The following UBE2G1 variants were observed in gnomAD, a reference collection of about 807,000 sequenced individuals.
UBE2G1 encodes the protein ubiquitin conjugating enzyme E2 G1.
In UBE2G1, 5 loss-of-function variants were observed where a neutral mutation model predicts 22.7. The ratio of observed to expected loss-of-function variants is 0.22; its 90% confidence interval spans 0.12 to 0.46. The LOEUF is 0.46. Among genes scored for constraint, UBE2G1 ranks in the 20% least tolerant of loss-of-function variants. The pLI is 0.99. For synonymous variants in UBE2G1, 74 were observed against 67.5 expected, an observed-to-expected ratio of 1.10 and a Z score of -0.47; for missense variants, 88 against 203.9, an observed-to-expected ratio of 0.43 and a Z score of 3.46.
At chr17:4,289,144 C>T in intron 4 of UBE2G1, 86 bp downstream of exon 4, 2 of 1,196,750 alleles carry the variant, frequency 1.7e-6, no homozygotes, top group Non-Finnish European at 2.2e-6. Context: ...TGCATACATT[C>T]ATGCATACTT....
intron 1 of UBE2G1, among the ~76,000 whole-genome samples, chr17:4,309,349 A>AT (rs2143736546): frequency 6.6e-6 from 1 of 152,358 alleles, no homozygotes; most frequent in South Asian, 2.1e-4. Context: ...ACATTTTTGC[A>AT]TAACAGGCAA....
intron 3 of UBE2G1, among the ~76,000 whole-genome samples, chr17:4,293,510 A>G (rs1041980716): frequency 2.0e-5 from 3 of 152,152 alleles, no homozygotes; most frequent in Non-Finnish European, 4.4e-5. Flanking sequence ...TTTTCTGGAC[A>G]TGTGTTTCAG....
At chr17:4,305,939 A>G (rs2143729788) in intron 2 of UBE2G1, among the ~76,000 whole-genome samples, 1 of 152,382 alleles carries the variant, frequency 6.6e-6, no homozygotes, top group East Asian at 1.9e-4. Context: ...GCATCTAGAA[A>G]TGTACGACAT....
chr17:4,289,507 T>A, intron 3 of UBE2G1, 99 bp from the exon 4 acceptor site: 1 of 1,298,138 alleles, frequency 7.7e-7, no homozygotes, highest in Non-Finnish European at 1.0e-6. Flanking sequence ...AGTACCTTTA[T>A]CAAACATGAC....
intron 1 of UBE2G1, among the ~76,000 whole-genome samples, chr17:4,360,897 A>T (rs190421407): frequency 1.4e-4 from 22 of 151,874 alleles, no homozygotes; most frequent in Non-Finnish European, 4.4e-5. Context: ...GGGCAACAAG[A>T]GTGAAGCTCC....
chr17:4,272,270 T>G lies in UBE2G1; in HGVS notation c.*284A>C, dbSNP rs1968769666. On this transcript the variant is annotated 3_prime_UTR_variant, in exon 6 of 6. Transcript: ENST00000396981. ...TGGATGTACATGAACAGTATATATATTATCCGGATCATGTTGTGCTATGTA... is the reference window on the plus strand; with the variant it reads ...TGGATGTACATGAACAGTATATATAGTATCCGGATCATGTTGTGCTATGTA... 6.5e-6 allele frequency: 1 copy of G among 153,510 alleles called. No individual in the cohort carries two copies. The highest frequency in any genetic ancestry group is 1.9e-4 in the South Asian group (1 of 5,230). 9.5% of individuals were successfully genotyped at this position (153,510 alleles called of 1,614,324 possible).
intron 5 of UBE2G1, among the ~76,000 whole-genome samples, chr17:4,282,131 G>A (rs1189035001): frequency 6.6e-6 from 1 of 152,172 alleles, no homozygotes; most frequent in African/African-American, 2.4e-5. Context: ...TGTCCAGGCT[G>A]TAGTGCCACG....
chr17:4,302,221 G>GT, intron 2 of UBE2G1: 1 of 498,254 alleles, frequency 2.0e-6, no homozygotes, highest in East Asian at 5.5e-5. Context: ...GCAATGAACA[G>GT]TGTTGTATAT....
intron 1 of UBE2G1, among the ~76,000 whole-genome samples, chr17:4,326,682 C>A (rs958904292): frequency 1.3e-5 from 2 of 152,134 alleles, no homozygotes; most frequent in Non-Finnish European, 2.9e-5. Flanking sequence ...GGAAACAACC[C>A]AATTGTCAAC....
intron 4 of UBE2G1, among the ~76,000 whole-genome samples, chr17:4,283,551 G>T (rs1262074063): frequency 1.3e-5 from 2 of 152,064 alleles, no homozygotes; most frequent in African/African-American, 4.8e-5. Context: ...CTCCCTATTG[G>T]AAACAACCAG....
chr17:4,321,866 T>C (rs1969443435), intron 1 of UBE2G1, among the ~76,000 whole-genome samples: 3 of 152,312 alleles, frequency 2.0e-5, no homozygotes, highest in South Asian at 2.1e-4. Context: ...AGGCTATTAG[T>C]GTGCGATTCA....
chr17:4,297,410 T>C (rs2143712456), intron 2 of UBE2G1, among the ~76,000 whole-genome samples: 1 of 152,322 alleles, frequency 6.6e-6, no homozygotes, highest in South Asian at 2.1e-4. Context: ...AACCAAACTG[T>C]AATGCTGGAG....
At chr17:4,301,253 G>A (rs1969175550) in intron 2 of UBE2G1, 2 of 377,300 alleles carry the variant, frequency 5.3e-6, no homozygotes, top group African/African-American at 4.2e-5. Flanking sequence ...ACATAGTCAT[G>A]TGATCACTGA....
chr17:4,299,364 A>G (rs1969147192), intron 2 of UBE2G1, among the ~76,000 whole-genome samples: 1 of 152,178 alleles, frequency 6.6e-6, no homozygotes, highest in South Asian at 2.1e-4. Flanking sequence ...GTGCCACTGC[A>G]CTCCAGCGTG....
chr17:4,359,719 G>A lies in UBE2G1; in HGVS notation c.46+6552C>T, dbSNP rs566141120. Among the ~76,000 whole-genome samples the A allele has an allele frequency of 1.3e-4, 20 of 152,190 alleles. No homozygotes were observed. The South Asian group carries it at 3.7e-3, about 28-fold the overall frequency. On this transcript the variant is annotated intron_variant, in intron 1 of 5. Coordinates refer to ENST00000396981, the MANE Select transcript of UBE2G1 (RefSeq NM_003342.5). ...ATACAAAAATGATCCAGGGGTGGTGGCGTGTGCCTGTAGTCCCAGCTACTC... is the reference window on the plus strand; with the variant it reads ...ATACAAAAATGATCCAGGGGTGGTGACGTGTGCCTGTAGTCCCAGCTACTC...
In UBE2G1 at chr17:4,331,512, T is replaced by A. The variant is rs576027556; in HGVS notation, c.47-24389A>T. On this transcript the variant is annotated intron_variant, in intron 1 of 5. Coordinates refer to ENST00000396981, the MANE Select transcript of UBE2G1 (RefSeq NM_003342.5). ...GAATATATCTAACTCTTAAAACACATACACTACACACTTTTGACAACAAAA... is the reference window on the plus strand; with the variant it reads ...GAATATATCTAACTCTTAAAACACAAACACTACACACTTTTGACAACAAAA... Among the ~76,000 whole-genome samples, 3 of 152,320 alleles carry A rather than the reference T, an allele frequency of 2.0e-5. No individual in the cohort carries two copies. The East Asian group carries it at 5.8e-4, about 29-fold the overall frequency.
rs974996222 is a variant in UBE2G1, at chr17:4,289,839, T to G, written c.248-431A>C. ...TCCCCACTAACTTACCGACTTAAAT[T>G]GGTAATAGTCAAAGGCCCAGAGACT... On this transcript the variant is annotated intron_variant, in intron 3 of 5. Transcript: ENST00000396981. 1.1e-4 allele frequency among the ~76,000 whole-genome samples: 17 copies of G among 152,224 alleles called. No homozygotes were observed. The South Asian group carries it at 2.5e-3, about 22-fold the overall frequency.
intron 1 of UBE2G1, among the ~76,000 whole-genome samples, chr17:4,317,802 C>T (rs1969393609): frequency 6.6e-6 from 1 of 152,226 alleles, no homozygotes; most frequent in Non-Finnish European, 1.5e-5. Flanking sequence ...TACGTTGTTG[C>T]TTGTGCATAA....
Position 4,302,307 on chromosome 17 carries a change from C to T in UBE2G1, c.149+4714G>A, listed in dbSNP as rs1335032650. 4 of 471,876 alleles carry T rather than the reference C, an allele frequency of 8.5e-6. No individual in the cohort carries two copies. The East Asian group carries it at 1.6e-4, about 19-fold the overall frequency. 29.2% of individuals were successfully genotyped at this position (471,876 alleles called of 1,614,324 possible). ...GGGGAAGAACAGCATCTGGGTTCTG[C>T]GTGTGGTTGCAGCCACTCTTGTGTC... On this transcript the variant is annotated intron_variant, in intron 2 of 5. Coordinates refer to ENST00000396981, the MANE Select transcript of UBE2G1 (RefSeq NM_003342.5).
Sources: allele counts gnomAD v4.1 joint callset (sites outside exome capture counted in the v4.1 genomes callset), GRCh38; gene constraint gnomAD v4.1.1; transcripts MANE v1.5; gene names NCBI Gene and HGNC (gene_info 2026-07-23, HGNC 2026-07-21).